Variants in TEX11 observed in about 807,000 individuals in gnomAD.
TEX11 encodes testis expressed 11.
TEX11 carries 7 observed loss-of-function variants against 84.4 expected under a neutral mutation model. That is an observed-to-expected ratio of 0.08 (90% CI 0.05 to 0.16). The LOEUF (loss-of-function observed/expected upper bound fraction) is 0.16. Ranked by LOEUF, TEX11 falls within the 10% of genes least tolerant of loss-of-function variation. The pLI, the probability that TEX11 is intolerant of heterozygous loss-of-function variation, is 1.00. For synonymous variants in TEX11, 264 were observed against 222.8 expected (o/e 1.18, Z -1.64); for missense variants, 551 against 660.5 (o/e 0.83, Z 1.82).
At chrX:70,569,619 C>G (rs997872715) in intron 25 of TEX11, among the ~76,000 whole-genome samples, 1 of 112,184 alleles carries the variant, frequency 8.9e-6, no homozygotes, top group Non-Finnish European at 1.9e-5. Flanking sequence ...AGCTTTCCTT[C>G]TAACAGACAG....
chrX:70,791,121 A>C (rs73544765), intron 9 of TEX11, among the ~76,000 whole-genome samples: 6,091 of 110,977 alleles, frequency 0.055, 357 homozygotes, highest in African/African-American at 0.16. Context: ...TATCTTTAAG[A>C]GATGCATCTC....
In TEX11 at chrX:70,844,782, C is replaced by CA. The variant is rs762547278; in HGVS notation, c.525+8251dup. ...CTAGAAATACCAAAACAAAACAAAA[C>CA]AAAAAAGCCAGCAGTGGTGGTGTGC... On this transcript the variant is annotated intron_variant, in intron 7 of 29. Coordinates refer to ENST00000374333, the MANE Select transcript of TEX11 (RefSeq NM_031276.3). Among the ~76,000 whole-genome samples, 4 of 109,587 alleles carry CA rather than the reference C, an allele frequency of 3.7e-5. No individual in the cohort carries two copies. In the East Asian group the frequency reaches 8.8e-4, roughly 24 times the overall value.
rs2091841309 is a variant in TEX11 at position 70,907,677 on chromosome X, C to T, written c.37+76G>A. The T allele has an allele frequency of 9.7e-6, 8 of 823,517 alleles. No individual in the cohort carries two copies. The Admixed American group carries it at 1.8e-4, about 19-fold the overall frequency. 67.9% of individuals were successfully genotyped at this position (823,517 alleles called of 1,213,427 possible). A position where few individuals can be genotyped will look rare whatever the true frequency, so the allele number is the denominator to read the frequency against. ...AAAGTGCTGAGATTACAGGCGTGAGCCACCGCGCCCAGCAATATTTAGATC... is the reference window on the plus strand; with the variant it reads ...AAAGTGCTGAGATTACAGGCGTGAGTCACCGCGCCCAGCAATATTTAGATC... On this transcript the variant is annotated intron_variant, in intron 2 of 29. Transcript: ENST00000374333.
At chrX:70,715,206 C>G (rs770803790) in intron 13 of TEX11, among the ~76,000 whole-genome samples, 1 of 108,034 alleles carries the variant, frequency 9.3e-6, no homozygotes, top group Non-Finnish European at 1.9e-5. Context: ...CCCGACCTTT[C>G]TCTCTGGCTT....
chrX:70,674,484 C>G (rs759449588), intron 15 of TEX11, among the ~76,000 whole-genome samples: 2 of 111,969 alleles, frequency 1.8e-5, no homozygotes, highest in African/African-American at 6.5e-5. Flanking sequence ...TACTGCTTTC[C>G]ACAGTGGTTG....
At chrX:70,688,478 A>G (rs2090206994) in intron 13 of TEX11, among the ~76,000 whole-genome samples, 1 of 111,151 alleles carries the variant, frequency 9.0e-6, no homozygotes, top group African/African-American at 3.3e-5. Context: ...GCTAAGTGGA[A>G]GAAGCCAATC....
chrX:70,859,316 T>C (rs1487008137), intron 5 of TEX11, among the ~76,000 whole-genome samples: 1 of 107,870 alleles, frequency 9.3e-6, no homozygotes, highest in Non-Finnish European at 1.9e-5. Context: ...GGTGGCTCAC[T>C]CCTGTAATCC....
intron 2 of TEX11, among the ~76,000 whole-genome samples, chrX:70,884,209 CTT>C (rs1028950241): frequency 8.9e-6 from 1 of 112,411 alleles, no homozygotes; most frequent in African/African-American, 3.2e-5. Flanking sequence ...AATGAAGTGA[CTT>C]TTTAAAAATC....
At chrX:70,539,038 A>ATATATATATTTTTTT in intron 28 of TEX11, among the ~76,000 whole-genome samples, 62 of 41,242 alleles carry the variant, frequency 1.5e-3, no homozygotes, top group Non-Finnish European at 2.2e-3. Flanking sequence ...ATATATATAT[A>ATATATATATTTTTTT]TTTTTTTTTT....
chrX:70,801,633 CTT>C (rs2091188524), intron 9 of TEX11, among the ~76,000 whole-genome samples: 1 of 6,465 alleles, frequency 1.5e-4, no homozygotes, highest in African/African-American at 8.2e-4. Flanking sequence ...TATTTTCTTT[CTT>C]TCTTTCTTTC....
intron 25 of TEX11, among the ~76,000 whole-genome samples, chrX:70,557,772 A>C (rs747595971): frequency 8.9e-6 from 1 of 111,745 alleles, no homozygotes; most frequent in Non-Finnish European, 1.9e-5. Flanking sequence ...ATGGAAATTC[A>C]AGGGACCCAG....
chrX:70,705,094 T>C (rs62511852), intron 13 of TEX11, among the ~76,000 whole-genome samples: 3,044 of 111,766 alleles, frequency 0.027, 99 homozygotes, highest in African/African-American at 0.093. Flanking sequence ...TTGTCAAAGA[T>C]CAGATGGCTG....
At chrX:70,806,457 A>C (rs1476881009) in intron 9 of TEX11, among the ~76,000 whole-genome samples, 2 of 111,078 alleles carry the variant, frequency 1.8e-5, no homozygotes, top group Non-Finnish European at 3.8e-5. Context: ...TACGAAAAAA[A>C]AAAGAAGAAA....
chrX:70,614,047 T>C (rs1325762888), intron 20 of TEX11, among the ~76,000 whole-genome samples: 1 of 111,471 alleles, frequency 9.0e-6, no homozygotes, highest in Non-Finnish European at 1.9e-5. Context: ...TGATCCCAAG[T>C]AGTACACTGT....
intron 9 of TEX11, among the ~76,000 whole-genome samples, chrX:70,770,250 T>A (rs1293782311): frequency 8.9e-6 from 1 of 112,083 alleles, no homozygotes; most frequent in African/African-American, 3.2e-5. Context: ...TTTGTGCACG[T>A]AAATACATTT....
intron 17 of TEX11, among the ~76,000 whole-genome samples, chrX:70,633,442 G>A (rs1603169944): frequency 8.9e-6 from 1 of 111,825 alleles, no homozygotes; most frequent in Non-Finnish European, 1.9e-5. Flanking sequence ...CTTACTGGTG[G>A]AAGACTGAAT....
chrX:70,571,319 T>C (rs2088595290), intron 25 of TEX11, among the ~76,000 whole-genome samples: 1 of 112,072 alleles, frequency 8.9e-6, no homozygotes, highest in South Asian at 3.7e-4. Flanking sequence ...GTGCCCAGCC[T>C]GATTTTCTGT....
At chrX:70,891,978 A>T (rs2091740548) in intron 2 of TEX11, among the ~76,000 whole-genome samples, 2 of 111,671 alleles carry the variant, frequency 1.8e-5, no homozygotes, top group Admixed American at 1.9e-4. Flanking sequence ...AAGGGCAGCC[A>T]GAGAGAAAGA....
At chrX:70,565,627 G>T (rs1379882591) in intron 25 of TEX11, among the ~76,000 whole-genome samples, 3 of 110,674 alleles carry the variant, frequency 2.7e-5, no homozygotes, top group South Asian at 7.8e-4. Flanking sequence ...CATATGGCTA[G>T]CCAGTTTTCC....
Sources: allele counts gnomAD v4.1 joint callset (sites outside exome capture counted in the v4.1 genomes callset), GRCh38; gene constraint gnomAD v4.1.1; transcripts MANE v1.5; gene names NCBI Gene and HGNC (gene_info 2026-07-23, HGNC 2026-07-21).